NSMCE1: variants seen among roughly 807,000 people sequenced by gnomAD.
NSMCE1 encodes NSE1 component of SMC5/6 complex.
NSMCE1 carries 18 observed loss-of-function variants against 29.6 expected under a neutral mutation model. That is an observed-to-expected ratio of 0.61 (90% confidence interval 0.42 to 0.90). NSMCE1 has a LOEUF of 0.90. NSMCE1 is among the 40% of genes least tolerant of loss of function. NSMCE1 has a pLI of 0.00. For missense variants in NSMCE1, 314 were observed against 343.6 expected (o/e 0.91, Z 0.68); for synonymous variants, 124 against 133.4 (o/e 0.93, Z 0.49).
At chr16:27,255,332 T>C (rs540156529) in intron 2 of NSMCE1, among the ~76,000 whole-genome samples, 2 of 152,214 alleles carry the variant, frequency 1.3e-5, no homozygotes, top group Admixed American at 1.3e-4. Flanking sequence ...CCTAAAACTG[T>C]CTCTCTCACT....
intron 1 of NSMCE1, among the ~76,000 whole-genome samples, chr16:27,265,685 T>C (rs1474946598): frequency 2.6e-5 from 4 of 152,120 alleles, no homozygotes; most frequent in African/African-American, 4.8e-5. Context: ...AATCATCCCA[T>C]AGAATTCAAA....
chr16:27,240,104 G>GC (rs2083876252), intron 2 of NSMCE1, among the ~76,000 whole-genome samples: 1 of 152,274 alleles, frequency 6.6e-6, no homozygotes, highest in Admixed American at 6.5e-5. Flanking sequence ...AGGAAATGGA[G>GC]CCCGGGCTTG....
At chr16:27,225,482 C>G (rs1243997457) in intron 7 of NSMCE1, among the ~76,000 whole-genome samples, 1 of 152,236 alleles carries the variant, frequency 6.6e-6, no homozygotes, top group African/African-American at 2.4e-5. Flanking sequence ...AGAGAGAGAG[C>G]CTTGTCTAGA....
At chr16:27,256,073 CT>C (rs1437061879) in intron 2 of NSMCE1, among the ~76,000 whole-genome samples, 1 of 151,902 alleles carries the variant, frequency 6.6e-6, no homozygotes, top group Admixed American at 6.6e-5. Flanking sequence ...ATCTTTTTGC[CT>C]TTTTTTTGTG....
At chr16:27,241,976 A>G (rs1263788445) in intron 2 of NSMCE1, 1 of 345,248 alleles carries the variant, frequency 2.9e-6, no homozygotes, top group Non-Finnish European at 5.9e-6. Context: ...GGATGTGGGC[A>G]TTCATCAGAA....
intron 2 of NSMCE1, among the ~76,000 whole-genome samples, chr16:27,255,264 C>T (rs1271346693): frequency 6.6e-6 from 1 of 152,142 alleles, no homozygotes; most frequent in Non-Finnish European, 1.5e-5. Context: ...CACCAAAGAT[C>T]CTTCTCTGCT....
intron 1 of NSMCE1, among the ~76,000 whole-genome samples, chr16:27,262,666 C>T (rs1464725179): frequency 6.6e-6 from 1 of 152,108 alleles, no homozygotes; most frequent in Non-Finnish European, 1.5e-5. Context: ...GCAATACCAT[C>T]CTGGACACAG....
intron 2 of NSMCE1, among the ~76,000 whole-genome samples, chr16:27,253,645 T>C (rs2084056786): frequency 6.6e-6 from 1 of 152,188 alleles, no homozygotes; most frequent in African/African-American, 2.4e-5. Flanking sequence ...GAGGCCTATA[T>C]TGGAATCATC....
intron 5 of NSMCE1, 89 bp from the exon 6 acceptor site, chr16:27,226,925 G>A (rs1201666321): frequency 2.4e-6 from 2 of 835,134 alleles, no homozygotes; most frequent in African/African-American, 1.7e-5. Context: ...ACAGCCCAGT[G>A]CTCAGGAAGA....
intron 2 of NSMCE1, among the ~76,000 whole-genome samples, chr16:27,247,429 C>T (rs2083969135): frequency 6.6e-6 from 1 of 152,192 alleles, no homozygotes; most frequent in Non-Finnish European, 1.5e-5. Flanking sequence ...GTCAATTAAA[C>T]TTCTTCCCTT....
At chr16:27,247,933 AAAAAAAC>A (rs536328798) in intron 2 of NSMCE1, among the ~76,000 whole-genome samples, 95 of 152,112 alleles carry the variant, frequency 6.2e-4, no homozygotes, top group African/African-American at 1.2e-3. Context: ...TCTCAAAAAA[AAAAAAAC>A]AAAAAACAAA....
chr16:27,229,573 AT>A (rs2083741383), intron 5 of NSMCE1, among the ~76,000 whole-genome samples: 1 of 152,104 alleles, frequency 6.6e-6, no homozygotes, highest in Admixed American at 6.6e-5. Flanking sequence ...AGCTGCATTT[AT>A]TTTTTATTTA....
At position 27,225,161 on chromosome 16, in the gene NSMCE1, T is replaced by G; in HGVS notation, c.797A>C (p.His266Pro). 1.3e-6 allele frequency: 2 copies of G among 1,595,336 alleles called. No individual in the cohort carries two copies. The change falls in exon 8 of 8, where the codon CAT (histidine) becomes CCT (proline). Residue 266 changes from histidine to proline, a missense_variant. Transcript: ENST00000361439. ...SNKKSLRSRQ[H>P] ...CCCCTCAGCAGGGCACGATGGCTAA[T>G]GCTGCCTGGACCGCAGGGACTTTTT... is the stretch of plus-strand genomic sequence containing the variant.
chr16:27,267,970 G>A (rs1008011975), intron 1 of NSMCE1, among the ~76,000 whole-genome samples: 2 of 151,998 alleles, frequency 1.3e-5, no homozygotes, highest in African/African-American at 4.8e-5. Context: ...TTCGAACTCC[G>A]AACCTCAGGT....
At chr16:27,253,717 A>T (rs1245860132) in intron 2 of NSMCE1, among the ~76,000 whole-genome samples, 1 of 152,206 alleles carries the variant, frequency 6.6e-6, no homozygotes, top group Non-Finnish European at 1.5e-5. Flanking sequence ...TCTCTGAGTC[A>T]CCAGTCCCTA....
rs190349732 is a variant in NSMCE1 at position 27,264,297 on chromosome 16, C to T, written c.-12+4409G>A. ...CTGAGGTGGGAGGACTGCTTCAGCT[C>T]GGGATGTCGAGGCTACAGTGAGTCA... On this transcript the variant is annotated intron_variant, in intron 1 of 7. Transcript: ENST00000361439. Among the ~76,000 whole-genome samples the T allele has an allele frequency of 3.5e-3, 530 of 152,212 alleles. 6 individuals carry two copies. The highest frequency in any genetic ancestry group is 0.012 in the African/African-American group (512 of 41,522).
intron 2 of NSMCE1, among the ~76,000 whole-genome samples, chr16:27,251,361 C>T (rs556439080): frequency 6.6e-6 from 1 of 151,580 alleles, no homozygotes; most frequent in South Asian, 2.1e-4. Context: ...TTTTTCTGTA[C>T]CTATTGAGAT....
At chr16:27,241,539 G>A (rs911257875) in intron 2 of NSMCE1, 6 of 191,286 alleles carry the variant, frequency 3.1e-5, no homozygotes, top group Admixed American at 2.8e-4. Flanking sequence ...GGTTTGTGAG[G>A]GGCCACAGGA....
At chr16:27,250,268 G>C (rs2084009628) in intron 2 of NSMCE1, among the ~76,000 whole-genome samples, 1 of 152,090 alleles carries the variant, frequency 6.6e-6, no homozygotes, top group African/African-American at 2.4e-5. Context: ...TCTCGCCTCA[G>C]TACACTAGCT....
Sources: allele counts gnomAD v4.1 joint callset (sites outside exome capture counted in the v4.1 genomes callset), GRCh38; gene constraint gnomAD v4.1.1; transcripts MANE v1.5; gene names NCBI Gene and HGNC (gene_info 2026-07-23, HGNC 2026-07-21).